SPECC1: variants seen among roughly 807,000 people sequenced by gnomAD.
The protein encoded by SPECC1 is sperm antigen with calponin homology and coiled-coil domains 1, also known as cytospin-B.
SPECC1 carries 62 observed loss-of-function variants against 104.1 expected under a neutral mutation model. The observed-to-expected ratio is 0.60, with a 90% CI of 0.49 to 0.74. The LOEUF (loss-of-function observed/expected upper bound fraction) is 0.74, where lower values mean the gene tolerates loss of function less well. SPECC1 is among the 30% of genes least tolerant of loss of function. SPECC1 has a pLI of 0.00. For missense variants in SPECC1, 1,306 were observed against 1,310.5 expected (o/e 1.00, Z 0.05); for synonymous variants, 513 against 501.6 (o/e 1.02, Z -0.30).
chr17:20,205,414 G>A lies in SPECC1; in HGVS notation c.1365G>A (p.Glu455=). Residue 455 remains glutamate (E), a synonymous_variant, in exon 4 of 15, where the codon GAG becomes GAA. Coordinates refer to ENST00000395527, the MANE Select transcript of SPECC1 (RefSeq NM_001243439.2). ...TACAAGAGCGAGTAAAGAATGAAGA[G>A]CCCACCACTCAGGAAGGAAAAATTA... is the stretch of plus-strand genomic sequence containing the variant. ...NLLQERVKNE[E]PTTQEGKIIE... 6.2e-7 allele frequency: 1 copy of A among 1,614,122 alleles called. No homozygotes were observed. The highest frequency in any genetic ancestry group is 8.5e-7 in the Non-Finnish European group (1 of 1,180,042).
At chr17:20,249,243 C>T (rs182888080) in intron 9 of SPECC1, among the ~76,000 whole-genome samples, 3 of 152,146 alleles carry the variant, frequency 2.0e-5, no homozygotes, top group South Asian at 2.1e-4. Flanking sequence ...CATAGTGAAA[C>T]CCCGTCTCTA....
chr17:20,186,145 T>C (rs2035259801), intron 3 of SPECC1, among the ~76,000 whole-genome samples: 1 of 152,198 alleles, frequency 6.6e-6, no homozygotes, highest in African/African-American at 2.4e-5. Context: ...GCTTGTGTTT[T>C]GTATTTTTTA....
chr17:20,169,221 C>G (rs186957321), intron 3 of SPECC1, among the ~76,000 whole-genome samples: 11 of 152,186 alleles, frequency 7.2e-5, no homozygotes, highest in African/African-American at 2.2e-4. Flanking sequence ...TGTATAAAAC[C>G]TGAGGAAGAA....
chr17:20,112,720 T>A (rs2048554854), intron 3 of SPECC1: 1 of 1,174,226 alleles, frequency 8.5e-7, no homozygotes, highest in Non-Finnish European at 1.3e-6. Context: ...ATCCTTCCGG[T>A]CTTAAAGCCA....
chr17:20,286,875 G>A (rs558551742), intron 12 of SPECC1, among the ~76,000 whole-genome samples: 79 of 152,300 alleles, frequency 5.2e-4, no homozygotes, highest in African/African-American at 1.3e-3. Context: ...TGATCCCATC[G>A]CTGCTGCCTG....
chr17:20,079,793 C>T (rs9908217), intron 1 of SPECC1, among the ~76,000 whole-genome samples: 31 of 152,270 alleles, frequency 2.0e-4, no homozygotes, highest in African/African-American at 6.7e-4. Flanking sequence ...AATTATATCA[C>T]TGTGATGGTG....
chr17:20,189,231 G>T (rs1020279508), intron 3 of SPECC1, among the ~76,000 whole-genome samples: 18 of 152,138 alleles, frequency 1.2e-4, no homozygotes, highest in Admixed American at 2.6e-4. Context: ...GAGACTGTGG[G>T]CTTTATTTTC....
intron 1 of SPECC1, among the ~76,000 whole-genome samples, chr17:20,061,907 C>A (rs1016680667): frequency 6.6e-6 from 1 of 152,084 alleles, no homozygotes; most frequent in Non-Finnish European, 1.5e-5. Flanking sequence ...TTCTATTTTT[C>A]CTTTTTCTTA....
intron 1 of SPECC1, among the ~76,000 whole-genome samples, chr17:20,039,235 G>A (rs2045223303): frequency 6.6e-6 from 1 of 152,124 alleles, no homozygotes; most frequent in Admixed American, 6.5e-5. Context: ...TGCTATTGTT[G>A]GGTAGAGTGT....
chr17:20,241,622 T>A (rs999319014), intron 7 of SPECC1, among the ~76,000 whole-genome samples: 2 of 152,194 alleles, frequency 1.3e-5, no homozygotes, highest in African/African-American at 2.4e-5. Context: ...TACAGGACTT[T>A]TACTATTTGA....
At chr17:20,153,491 G>A (rs2032198630) in intron 3 of SPECC1, among the ~76,000 whole-genome samples, 1 of 152,218 alleles carries the variant, frequency 6.6e-6, no homozygotes, top group South Asian at 2.1e-4. Flanking sequence ...AGTGGAAGTA[G>A]TAAGTTAGTT....
At chr17:20,123,541 C>G (rs1238152916) in intron 3 of SPECC1, among the ~76,000 whole-genome samples, 1 of 151,968 alleles carries the variant, frequency 6.6e-6, no homozygotes. Context: ...GGGAATAACT[C>G]TGTCCTCTCT....
At chr17:20,237,779 G>C (rs897723388) in intron 7 of SPECC1, 4 of 191,242 alleles carry the variant, frequency 2.1e-5, no homozygotes, top group Admixed American at 6.2e-5. Context: ...CTTTACTCTT[G>C]TTGCCCAGGC....
intron 4 of SPECC1, among the ~76,000 whole-genome samples, chr17:20,215,390 A>C (rs1015853019): frequency 6.6e-6 from 1 of 152,222 alleles, no homozygotes; most frequent in Non-Finnish European, 1.5e-5. Context: ...TATATAATAA[A>C]CAGATTAAGT....
chr17:20,232,209 G>A lies in SPECC1; in HGVS notation c.2155G>A (p.Glu719Lys), dbSNP rs148173661. The A allele has an allele frequency of 2.2e-4, 354 of 1,614,024 alleles. 1 individual carries two copies. Among genetic ancestry groups the A allele is most frequent in the Non-Finnish European group, 2.7e-4 (313 of 1,180,042 alleles). ...TLTKQMKEETEEWRRFQADLQ... is the reference protein window; with the variant it reads ...TLTKQMKEETKEWRRFQADLQ... ...GCTCTGACATTTTCAGGAGGAGACC[G>A]AGGAATGGAGGCGGTTCCAGGCGGA... The change falls in exon 7 of 15, where the codon GAG becomes AAG. Residue 719 changes from glutamate (E) to lysine (K), a missense_variant. Glu to Lys is a moderately conservative substitution (Grantham distance 56). Transcript: ENST00000395527.
chr17:20,058,835 C>CT (rs58811372), intron 1 of SPECC1, among the ~76,000 whole-genome samples: 2,119 of 103,560 alleles, frequency 0.02, 48 homozygotes, highest in Non-Finnish European at 0.026. Flanking sequence ...CACTTTATTT[C>CT]TTTTTTTTTT....
chr17:20,259,501 A>C (rs947046308), intron 11 of SPECC1, among the ~76,000 whole-genome samples: 1 of 151,898 alleles, frequency 6.6e-6, no homozygotes, highest in Non-Finnish European at 1.5e-5. Flanking sequence ...GCACCTTTAA[A>C]ATTTATTTTA....
At chr17:20,118,115 T>TAATAAATAATA (rs1555610170) in intron 3 of SPECC1, among the ~76,000 whole-genome samples, 11 of 150,874 alleles carry the variant, frequency 7.3e-5, no homozygotes, top group African/African-American at 2.7e-4. Context: ...AATAAATAAA[T>TAATAAATAATA]AATAAATAAA....
At position 20,129,213 on chromosome 17, in the gene SPECC1, T is replaced by A. The variant is rs146931914; in HGVS notation, c.283+18651T>A. On this transcript the variant is annotated intron_variant, in intron 3 of 14. Coordinates refer to ENST00000395527, the MANE Select transcript of SPECC1 (RefSeq NM_001243439.2). The stretch of plus-strand genomic sequence containing the variant: ...TTTGTTTTTTTTTTTTGAGACGGAG[T>A]CTCACTCTATCACCAGGCTGGAGTG... Among the ~76,000 whole-genome samples the A allele has an allele frequency of 2.0e-4, 28 of 138,016 alleles. No homozygotes were observed. In the East Asian group the frequency reaches 6.0e-3, roughly 29 times the overall value. 90.5% of individuals were successfully genotyped at this position (138,016 alleles called of 152,430 possible).
Sources: allele counts gnomAD v4.1 joint callset (sites outside exome capture counted in the v4.1 genomes callset), GRCh38; gene constraint gnomAD v4.1.1; transcripts MANE v1.5; gene names NCBI Gene and HGNC (gene_info 2026-07-23, HGNC 2026-07-21).